The following PIBF1 variants were observed in gnomAD, a reference collection of about 807,000 sequenced individuals.
PIBF1 encodes the protein progesterone immunomodulatory binding factor 1, also known as progesterone-induced-blocking factor 1.
PIBF1 carries 90 observed loss-of-function variants against 112.5 expected under a neutral mutation model. That is an observed-to-expected ratio of 0.80 (90% confidence interval 0.67 to 0.95). The LOEUF is 0.95. Ranked by LOEUF, PIBF1 falls within the 40% of genes least tolerant of loss-of-function variation. The pLI, the probability that PIBF1 is intolerant of heterozygous loss-of-function variation, is 0.00. For synonymous variants in PIBF1, 301 were observed against 288.6 expected (o/e 1.04, Z -0.44); for missense variants, 915 against 852.3 (o/e 1.07, Z -0.92).
intron 14 of PIBF1, among the ~76,000 whole-genome samples, chr13:72,934,964 AGTTTGTTTGTCTGTCTGTTTGTTT>A: frequency 6.6e-6 from 1 of 151,650 alleles, no homozygotes; most frequent in East Asian, 1.9e-4. Flanking sequence ...TTAGTTAGTT[AGTTTGTTTGTCTGTCTGTTTGTTT>A]GTTTGTTTGT....
chr13:72,979,422 T>A (rs1003386255), intron 16 of PIBF1, among the ~76,000 whole-genome samples: 1 of 152,204 alleles, frequency 6.6e-6, no homozygotes, highest in African/African-American at 2.4e-5. Context: ...GTATCTTTCA[T>A]CAGCCAAATG....
intron 9 of PIBF1, among the ~76,000 whole-genome samples, chr13:72,844,267 G>A (rs2037735296): frequency 6.6e-6 from 1 of 152,160 alleles, no homozygotes; most frequent in Non-Finnish European, 1.5e-5. Context: ...ACTGGTCAGT[G>A]CTATGTAAAC....
At chr13:72,987,926 G>A (rs1409118775) in intron 16 of PIBF1, among the ~76,000 whole-genome samples, 2 of 123,040 alleles carry the variant, frequency 1.6e-5, no homozygotes, top group African/African-American at 3.2e-5. Context: ...GCAGTGGTGT[G>A]ATCTCGGCTC....
At chr13:72,857,057 A>G (rs981403527) in intron 10 of PIBF1, among the ~76,000 whole-genome samples, 4 of 152,228 alleles carry the variant, frequency 2.6e-5, no homozygotes, top group African/African-American at 9.6e-5. Context: ...TATGCATTTA[A>G]TGTAAGCCAA....
rs2044378432 is a variant in PIBF1, at chr13:73,016,232, G to C, written c.*313G>C. The C allele has an allele frequency of 6.5e-6, 1 of 154,630 alleles. No individual in the cohort carries two copies. The highest frequency in any genetic ancestry group is 2.1e-4 in the South Asian group (1 of 4,870). The allele number at this position is 154,630 out of a possible 1,614,324, so 9.6% of individuals were successfully genotyped here. On this transcript the variant is annotated 3_prime_UTR_variant, in exon 18 of 18. Transcript: ENST00000326291. Reference sequence around the variant, plus strand: ...TATTTTTCTATACTACGTAAATTCTGAGTTTAAATGTCATACACAAATACT... The same window carrying C: ...TATTTTTCTATACTACGTAAATTCTCAGTTTAAATGTCATACACAAATACT...
chr13:73,015,721 C>A (rs187646869), intron 17 of PIBF1, 148 bp from the exon 18 acceptor site: 86 of 344,904 alleles, frequency 2.5e-4, no homozygotes, highest in South Asian at 2.2e-3. Context: ...ACAAAGTCTT[C>A]GCCCTTAAGT....
chr13:72,842,764 T>A (rs1231419995), intron 9 of PIBF1, among the ~76,000 whole-genome samples: 1 of 152,208 alleles, frequency 6.6e-6, no homozygotes, highest in African/African-American at 2.4e-5. Context: ...CATGGAAAAA[T>A]TTAATAGTAA....
chr13:72,986,425 A>G (rs956251392), intron 16 of PIBF1, among the ~76,000 whole-genome samples: 19 of 152,172 alleles, frequency 1.2e-4, no homozygotes, highest in Non-Finnish European at 2.2e-4. Context: ...GTTTTAAGTC[A>G]ACAATAGCAG....
At chr13:72,850,099 G>A (rs777616443) in intron 9 of PIBF1, among the ~76,000 whole-genome samples, 4 of 152,144 alleles carry the variant, frequency 2.6e-5, no homozygotes, top group Non-Finnish European at 5.9e-5. Context: ...ATTATGCTGC[G>A]TTTTGCTAAA....
chr13:72,952,461 A>C (rs2042325911), intron 14 of PIBF1, among the ~76,000 whole-genome samples: 1 of 151,822 alleles, frequency 6.6e-6, no homozygotes, highest in Admixed American at 6.6e-5. Context: ...TTATTTATCT[A>C]GTATTATCTT....
At chr13:72,807,030 G>T (rs1216163717) in intron 5 of PIBF1, among the ~76,000 whole-genome samples, 3 of 148,936 alleles carry the variant, frequency 2.0e-5, no homozygotes, top group African/African-American at 7.4e-5. Flanking sequence ...TCCATTGTGT[G>T]TATATACCAC....
At chr13:72,838,958 G>C (rs1481279872) in intron 9 of PIBF1, among the ~76,000 whole-genome samples, 1 of 152,184 alleles carries the variant, frequency 6.6e-6, no homozygotes, top group Non-Finnish European at 1.5e-5. Context: ...TAGACTGAGA[G>C]GCAGGGAGTT....
intron 13 of PIBF1, among the ~76,000 whole-genome samples, chr13:72,924,396 T>A (rs1409217608): frequency 7.1e-6 from 1 of 140,200 alleles, no homozygotes; most frequent in Admixed American, 8.0e-5. Flanking sequence ...GTGTGTTCAT[T>A]TGAACAAAAT....
At chr13:72,917,404 A>T (rs1248757233) in intron 13 of PIBF1, among the ~76,000 whole-genome samples, 1 of 152,054 alleles carries the variant, frequency 6.6e-6, no homozygotes, top group Admixed American at 6.6e-5. Flanking sequence ...GATGATAAGG[A>T]CCTTGTTTTT....
At chr13:72,993,194 G>A (rs570018066) in intron 16 of PIBF1, among the ~76,000 whole-genome samples, 2 of 152,122 alleles carry the variant, frequency 1.3e-5, no homozygotes, top group Admixed American at 6.6e-5. Flanking sequence ...CATGGTTGGT[G>A]CATGCCTGTA....
intron 10 of PIBF1, among the ~76,000 whole-genome samples, chr13:72,868,973 C>T (rs1437730720): frequency 1.3e-5 from 2 of 151,968 alleles, no homozygotes; most frequent in African/African-American, 4.8e-5. Flanking sequence ...ACAACAGGTG[C>T]TGGAGAGGAT....
At chr13:72,973,714 G>T in intron 16 of PIBF1, 39 bp downstream of exon 16, 1 of 1,200,888 alleles carries the variant, frequency 8.3e-7, no homozygotes. Flanking sequence ...ATCATTTTAG[G>T]CTTTTTTAAA....
intron 14 of PIBF1, among the ~76,000 whole-genome samples, chr13:72,963,862 T>C (rs536032833): frequency 8.5e-4 from 129 of 152,272 alleles, no homozygotes; most frequent in African/African-American, 3.0e-3. Context: ...GGAGAAATTG[T>C]AATCAAATTT....
chr13:72,954,782 GTTC>G (rs138490051), intron 14 of PIBF1, among the ~76,000 whole-genome samples: 246 of 152,186 alleles, frequency 1.6e-3, no homozygotes, highest in African/African-American at 5.8e-3. Context: ...GTTTTTTTCA[GTTC>G]TTCTGTTAAA....
Sources: gnomAD v4.1 joint callset for allele counts (sites outside exome capture counted in the v4.1 genomes callset) on GRCh38, gnomAD v4.1.1 for gene constraint, MANE v1.5 for transcripts, NCBI Gene and HGNC (gene_info 2026-07-23, HGNC 2026-07-21) for gene names.